The following PTPN2 variants were observed in gnomAD, a reference collection of about 807,000 sequenced individuals.
PTPN2 encodes protein tyrosine phosphatase non-receptor type 2.
In PTPN2, 19 loss-of-function variants were observed where a neutral mutation model predicts 57.3. The ratio of observed to expected loss-of-function variants is 0.33; its 90% CI spans 0.23 to 0.49. The LOEUF (loss-of-function observed/expected upper bound fraction) is 0.49, where lower values mean the gene tolerates loss of function less well. Ranked by LOEUF, PTPN2 falls within the 20% of genes least tolerant of loss-of-function variation. PTPN2 has a pLI of 0.99. For synonymous variants in PTPN2, 153 were observed against 164.9 expected (o/e 0.93, Z 0.55); for missense variants, 358 against 501.1 (o/e 0.71, Z 2.73).
At chr18:12,819,094 C>CAAA (rs34910954) in intron 5 of PTPN2, 166 of 271,028 alleles carry the variant, frequency 6.1e-4, no homozygotes, top group Admixed American at 1.5e-3. Flanking sequence ...AACTCCATCT[C>CAAA]AAAAAAAAAA....
chr18:12,799,339 C>T (rs1306273924), intron 8 of PTPN2, among the ~76,000 whole-genome samples: 3 of 151,310 alleles, frequency 2.0e-5, no homozygotes, highest in African/African-American at 7.3e-5. Context: ...ATTGCTTGAA[C>T]CCGGGAGGTG....
chr18:12,877,230 G>T (rs1345087749), intron 1 of PTPN2, among the ~76,000 whole-genome samples: 1 of 149,658 alleles, frequency 6.7e-6, no homozygotes, highest in Non-Finnish European at 1.5e-5. Context: ...GGAAAACAAA[G>T]AAAAAAAAAG....
intron 4 of PTPN2, among the ~76,000 whole-genome samples, chr18:12,829,213 GGTTT>G (rs2042581930): frequency 6.6e-6 from 1 of 151,900 alleles, no homozygotes; most frequent in African/African-American, 2.4e-5. Context: ...AACTATTAAA[GGTTT>G]GTTAAAAAGG....
At chr18:12,795,082 TTAAC>T (rs2041121473) in intron 8 of PTPN2, among the ~76,000 whole-genome samples, 1 of 152,194 alleles carries the variant, frequency 6.6e-6, no homozygotes, top group Non-Finnish European at 1.5e-5. Flanking sequence ...TCCTTCCTTG[TTAAC>T]TAGTCAGCAG....
At chr18:12,801,710 G>A in intron 8 of PTPN2, 1 of 352,130 alleles carries the variant, frequency 2.8e-6, no homozygotes, top group Non-Finnish European at 5.3e-6. Context: ...TGGGACCACA[G>A]GCTCGCATCA....
chr18:12,867,415 G>A (rs551812445), intron 1 of PTPN2, among the ~76,000 whole-genome samples: 6 of 152,126 alleles, frequency 3.9e-5, no homozygotes, highest in Admixed American at 6.5e-5. Flanking sequence ...CTGAAAGTGA[G>A]GTTTTGCCTC....
intron 1 of PTPN2, among the ~76,000 whole-genome samples, chr18:12,865,457 G>C (rs1004603175): frequency 5.3e-5 from 8 of 149,890 alleles, no homozygotes; most frequent in Non-Finnish European, 1.0e-4. Context: ...AAAAAAAAGA[G>C]AGAGGCGGGG....
chr18:12,869,039 A>G (rs537193609), intron 1 of PTPN2: 7 of 152,156 alleles, frequency 4.6e-5, no homozygotes, highest in African/African-American at 1.7e-4. Flanking sequence ...AATCCCAGCT[A>G]CTCGGGAGGC....
intron 1 of PTPN2, among the ~76,000 whole-genome samples, chr18:12,873,700 T>C (rs1400710375): frequency 1.0e-4 from 15 of 146,128 alleles, no homozygotes; most frequent in South Asian, 4.3e-4. Context: ...AGCCTCTGCC[T>C]GGCCGCCACC....
intron 1 of PTPN2, among the ~76,000 whole-genome samples, chr18:12,870,654 G>A (rs1388183071): frequency 2.7e-5 from 4 of 148,816 alleles, no homozygotes; most frequent in African/African-American, 7.5e-5. Flanking sequence ...GACTACAGGC[G>A]CCCGCAACCA....
At chr18:12,833,047 C>T (rs1285374190) in intron 3 of PTPN2, among the ~76,000 whole-genome samples, 1 of 152,200 alleles carries the variant, frequency 6.6e-6, no homozygotes, top group Non-Finnish European at 1.5e-5. Flanking sequence ...CCTCAGCCTC[C>T]CCAAGTGCTG....
chr18:12,796,839 G>T (rs533813496), intron 8 of PTPN2, among the ~76,000 whole-genome samples: 2 of 151,866 alleles, frequency 1.3e-5, no homozygotes, highest in African/African-American at 4.8e-5. Flanking sequence ...CTATTCTTAC[G>T]GCATTTAATT....
chr18:12,853,617 A>G (rs936934972), intron 2 of PTPN2, among the ~76,000 whole-genome samples: 1 of 152,210 alleles, frequency 6.6e-6, no homozygotes, highest in South Asian at 2.1e-4. Context: ...TGGTATTTGC[A>G]GAAGGAGAAC....
chr18:12,835,684 A>G (rs966965717), intron 3 of PTPN2, among the ~76,000 whole-genome samples: 2 of 152,034 alleles, frequency 1.3e-5, no homozygotes, highest in East Asian at 1.9e-4. Flanking sequence ...CCGATCACAT[A>G]TATCTTTATG....
intron 8 of PTPN2, among the ~76,000 whole-genome samples, chr18:12,801,218 G>T (rs2041408764): frequency 6.6e-6 from 1 of 152,162 alleles, no homozygotes. Context: ...AGAAATAAAG[G>T]TTATATTAAT....
downstream of PTPN2, among the ~76,000 whole-genome samples, chr18:12,790,033 T>C (rs948884943): frequency 1.3e-5 from 2 of 152,050 alleles, no homozygotes; most frequent in African/African-American, 4.8e-5. Flanking sequence ...TCTGTGCTTA[T>C]GTGATCCTCC....
At chr18:12,854,063 A>C (rs1285516256) in intron 2 of PTPN2, among the ~76,000 whole-genome samples, 1 of 152,170 alleles carries the variant, frequency 6.6e-6, no homozygotes. Context: ...AACAGATTTG[A>C]AATACATTAC....
chr18:12,852,636 C>T (rs1233684543), intron 2 of PTPN2, among the ~76,000 whole-genome samples: 2 of 152,180 alleles, frequency 1.3e-5, no homozygotes, highest in East Asian at 3.8e-4. Flanking sequence ...CCTCCTCGGC[C>T]TCCCAAAGCG....
At chr18:12,833,828 A>G (rs1475414521) in intron 3 of PTPN2, among the ~76,000 whole-genome samples, 1 of 152,228 alleles carries the variant, frequency 6.6e-6, no homozygotes, top group African/African-American at 2.4e-5. Flanking sequence ...CTCAATCCCA[A>G]TGAGAAAAAT....
Sources: gnomAD v4.1 joint callset for allele counts (sites outside exome capture counted in the v4.1 genomes callset) on GRCh38, gnomAD v4.1.1 for gene constraint, MANE v1.5 for transcripts, NCBI Gene and HGNC (gene_info 2026-07-23, HGNC 2026-07-21) for gene names.